SOX6: variants seen among roughly 807,000 people sequenced by gnomAD.
SOX6 encodes SRY-box transcription factor 6.
In SOX6, 11 loss-of-function variants were observed where a neutral mutation model predicts 97.8. That is an observed-to-expected ratio of 0.11 (90% CI 0.07 to 0.19). The LOEUF (loss-of-function observed/expected upper bound fraction) is 0.19, where lower values mean the gene tolerates loss of function less well. Ranked by LOEUF, SOX6 falls within the 10% of genes least tolerant of loss-of-function variation. The pLI, the probability that SOX6 is intolerant of heterozygous loss-of-function variation, is 1.00. For missense variants in SOX6, 810 were observed against 1,039.5 expected, an observed-to-expected ratio of 0.78 and a Z score of 3.04; for synonymous variants, 360 against 371.4, an observed-to-expected ratio of 0.97 and a Z score of 0.35.
At chr11:16,434,833 C>CA (rs141388280) in intron 1 of SOX6, among the ~76,000 whole-genome samples, 3,763 of 152,008 alleles carry the variant, frequency 0.025, 139 homozygotes, top group African/African-American at 0.078. Flanking sequence ...AAATCAGCCA[C>CA]AAAAAAGTGG....
intron 3 of SOX6, among the ~76,000 whole-genome samples, chr11:16,280,410 C>CTT (rs1854521606): frequency 2.0e-5 from 3 of 150,448 alleles, no homozygotes; most frequent in African/African-American, 7.3e-5. Flanking sequence ...GTATGCATGA[C>CTT]TTTCACTTTC....
intron 3 of SOX6, among the ~76,000 whole-genome samples, chr11:16,310,110 C>G (rs1855554957): frequency 6.6e-6 from 1 of 151,988 alleles, no homozygotes; most frequent in Admixed American, 6.6e-5. Context: ...AGCAAGAAAT[C>G]TGAGGCATAT....
intron 3 of SOX6, among the ~76,000 whole-genome samples, chr11:16,681,775 G>T (rs1847929996): frequency 6.6e-6 from 1 of 152,086 alleles, no homozygotes; most frequent in Admixed American, 6.6e-5. Context: ...AATGATAAAG[G>T]GGATATTGCC....
intron 6 of SOX6, among the ~76,000 whole-genome samples, chr11:16,179,818 A>C (rs990429519): frequency 1.3e-5 from 2 of 151,920 alleles, no homozygotes; most frequent in Non-Finnish European, 2.9e-5. Context: ...TTATGTGAGG[A>C]GAGGACACTG....
At chr11:16,247,835 C>A (rs546338594) in intron 3 of SOX6, among the ~76,000 whole-genome samples, 2 of 152,100 alleles carry the variant, frequency 1.3e-5, no homozygotes, top group South Asian at 2.1e-4. Flanking sequence ...CAACAATGCC[C>A]TTCCCACAGT....
chr11:16,522,832 T>C (rs1861090343), intron 4 of SOX6, among the ~76,000 whole-genome samples: 1 of 152,182 alleles, frequency 6.6e-6, no homozygotes. Context: ...GTTGCAATCC[T>C]AGTCTCTGAT....
At chr11:16,175,541 C>T (rs751954676) in intron 6 of SOX6, among the ~76,000 whole-genome samples, 12 of 151,738 alleles carry the variant, frequency 7.9e-5, no homozygotes, top group Non-Finnish European at 5.9e-5. Flanking sequence ...ACATACATTC[C>T]GAAATAACAC....
chr11:16,590,316 A>G (rs1390522074), intron 4 of SOX6, among the ~76,000 whole-genome samples: 2 of 152,194 alleles, frequency 1.3e-5, no homozygotes, highest in Admixed American at 6.5e-5. Flanking sequence ...ATGTACCAGG[A>G]AAGATACCAT....
chr11:16,430,082 G>A (rs1267799498), intron 1 of SOX6, among the ~76,000 whole-genome samples: 4 of 152,130 alleles, frequency 2.6e-5, no homozygotes, highest in Admixed American at 1.3e-4. Context: ...CTGAGCTTTG[G>A]CCTCACTATC....
chr11:16,580,427 G>A (rs1173028785), intron 4 of SOX6, among the ~76,000 whole-genome samples: 8 of 146,740 alleles, frequency 5.5e-5, no homozygotes, highest in African/African-American at 2.0e-4. Flanking sequence ...CCAAATATAG[G>A]TTCAGAAAAT....
chr11:16,016,294 A>G (rs1218871714), intron 12 of SOX6, among the ~76,000 whole-genome samples: 5 of 152,084 alleles, frequency 3.3e-5, no homozygotes, highest in African/African-American at 4.8e-5. Flanking sequence ...GAAGTCTTCC[A>G]GTTCCCCTTC....
At chr11:16,312,775 G>A (rs938646629) in intron 3 of SOX6, 2 of 152,118 alleles carry the variant, frequency 1.3e-5, no homozygotes, top group Admixed American at 6.6e-5. Context: ...TGTCGCTTAT[G>A]TTAGAGCCCA....
intron 12 of SOX6, among the ~76,000 whole-genome samples, chr11:16,022,128 C>T (rs570526502): frequency 6.6e-6 from 1 of 152,224 alleles, no homozygotes; most frequent in South Asian, 2.1e-4. Context: ...AGAGATTATA[C>T]ATGTGAGTGC....
At chr11:16,211,563 C>T (rs1168869669) in intron 4 of SOX6, among the ~76,000 whole-genome samples, 2 of 152,024 alleles carry the variant, frequency 1.3e-5, no homozygotes, top group African/African-American at 4.8e-5. Flanking sequence ...TGTCATTATA[C>T]CCAGGCTTCT....
intron 15 of SOX6, among the ~76,000 whole-genome samples, chr11:15,983,298 C>T (rs564097028): frequency 6.6e-6 from 1 of 152,026 alleles, no homozygotes; most frequent in African/African-American, 2.4e-5. Context: ...AGGTTAAAAC[C>T]AAGGCAAGGG....
In SOX6 at chr11:16,678,411, T is replaced by C. The variant is rs896260672; in HGVS notation, n.429+36419A>G. Among the ~76,000 whole-genome samples the C allele has an allele frequency of 1.2e-4, 19 of 152,350 alleles. 1 individual carries two copies. The highest frequency in any genetic ancestry group is 4.6e-4 in the African/African-American group (19 of 41,582). ...TTTAAAATCTATTTATTTAGAAGTATATTATTTAGCTTTCAAATTGTGTTA... is the reference window on the plus strand; with the variant it reads ...TTTAAAATCTATTTATTTAGAAGTACATTATTTAGCTTTCAAATTGTGTTA... On this transcript the variant is annotated intron_variant and non_coding_transcript_variant, in intron 3 of 5. Coordinates refer to the SOX6 transcript ENST00000524520.
intron 13 of SOX6, among the ~76,000 whole-genome samples, chr11:16,007,768 G>T (rs1854600441): frequency 6.6e-6 from 1 of 152,096 alleles, no homozygotes; most frequent in Non-Finnish European, 1.5e-5. Context: ...GTCCAAATAT[G>T]TCGGACAGAA....
At chr11:16,467,950 A>C (rs1013912331) in intron 1 of SOX6, among the ~76,000 whole-genome samples, 4 of 152,178 alleles carry the variant, frequency 2.6e-5, no homozygotes, top group Non-Finnish European at 5.9e-5. Flanking sequence ...CCTTCTCTAC[A>C]TGCACTTAGT....
intron 13 of SOX6, among the ~76,000 whole-genome samples, chr11:15,992,570 A>T (rs1007842163): frequency 4.6e-5 from 7 of 152,140 alleles, no homozygotes; most frequent in Non-Finnish European, 1.0e-4. Context: ...CAACAACAAC[A>T]AACCAAATTT....
Sources: gnomAD v4.1 joint callset for allele counts (sites outside exome capture counted in the v4.1 genomes callset) on GRCh38, gnomAD v4.1.1 for gene constraint, MANE v1.5 for transcripts, NCBI Gene and HGNC (gene_info 2026-07-23, HGNC 2026-07-21) for gene names.